TRARG1: variants seen among roughly 807,000 people sequenced by gnomAD.
TRARG1 encodes the protein trafficking regulator of GLUT4 1.
Under a neutral mutation model 13.3 loss-of-function variants are expected in TRARG1, and 16 were observed. That is an observed-to-expected ratio of 1.20 (90% CI 0.81 to 1.83). The LOEUF is 1.83. Ranked by LOEUF, TRARG1 falls within the 40% of genes most tolerant of loss-of-function variation. The pLI, the probability that TRARG1 is intolerant of heterozygous loss-of-function variation, is 0.00. For synonymous variants in TRARG1, 113 were observed against 106.2 expected (o/e 1.06, Z -0.39); for missense variants, 250 against 237.4 (o/e 1.05, Z -0.35).
chr17:1,282,246 G>T (rs778558992), intron 1 of TRARG1, among the ~76,000 whole-genome samples: 3 of 93,988 alleles, frequency 3.2e-5, no homozygotes, highest in Non-Finnish European at 6.9e-5. Context: ...GTATATGCAC[G>T]TATATGTACG....
At chr17:1,284,223 C>T (rs2072005001) in intron 1 of TRARG1, among the ~76,000 whole-genome samples, 1 of 152,168 alleles carries the variant, frequency 6.6e-6, no homozygotes, top group Non-Finnish European at 1.5e-5. Context: ...CCACTCATCT[C>T]CTTTCTGTTT....
Position 1,298,339 on chromosome 17 carries a change from GC to G in TRARG1, c.*77del. 1 of 1,544,980 alleles carries G rather than the reference GC, an allele frequency of 6.5e-7. No homozygotes were observed. Among genetic ancestry groups the G allele is most frequent in the Non-Finnish European group, 8.8e-7 (1 of 1,130,056 alleles). On this transcript the variant is annotated 3_prime_UTR_variant, in exon 3 of 3. Coordinates refer to ENST00000333813, the MANE Select transcript of TRARG1 (RefSeq NM_172367.3). Reference sequence around the variant, plus strand: ...AGCTCTGACCTGCACACCGCGGGAGGCCAGGGTGCTGACTGTCAAGCATCCC... The same window carrying G: ...AGCTCTGACCTGCACACCGCGGGAGGCAGGGTGCTGACTGTCAAGCATCCC...
At chr17:1,282,062 G>GTATGCACATA (rs1555630771) in intron 1 of TRARG1, among the ~76,000 whole-genome samples, 1 of 145,378 alleles carries the variant, frequency 6.9e-6, no homozygotes, top group South Asian at 2.1e-4. Flanking sequence ...ATATGTACAT[G>GTATGCACATA]TATACACATA....
intron 1 of TRARG1, among the ~76,000 whole-genome samples, chr17:1,289,353 C>T (rs183315642): frequency 8.8e-3 from 51 of 5,772 alleles, no homozygotes; most frequent in East Asian, 0.027. Context: ...CACGAGTTCC[C>T]CATCCCCCAC....
At chr17:1,286,247 G>T (rs1228332772) in intron 1 of TRARG1, among the ~76,000 whole-genome samples, 1 of 152,250 alleles carries the variant, frequency 6.6e-6, no homozygotes, top group African/African-American at 2.4e-5. Context: ...AGAACTAGGG[G>T]CCTGGTGGCA....
intron 1 of TRARG1, among the ~76,000 whole-genome samples, chr17:1,281,953 TACATGTACATATATGCACAC>T (rs1001026571): frequency 2.0e-4 from 30 of 151,768 alleles, no homozygotes; most frequent in Middle Eastern, 6.8e-3. Flanking sequence ...TATATGCACA[TACATGTACATATATGCACAC>T]GTGTACATAT....
intron 1 of TRARG1, among the ~76,000 whole-genome samples, chr17:1,281,105 G>A (rs901620111): frequency 6.6e-6 from 1 of 152,214 alleles, no homozygotes. Flanking sequence ...AAGGGGCATG[G>A]GGCCGGGTCT....
chr17:1,279,686 C>A lies in TRARG1; in HGVS notation c.-316C>A. 2.9e-6 allele frequency: 1 copy of A among 349,732 alleles called. No individual in the cohort carries two copies. Among genetic ancestry groups the A allele is most frequent in the Non-Finnish European group, 5.2e-6 (1 of 191,326 alleles). The allele number at this position is 349,732 out of a possible 1,614,324, so 21.7% of individuals were successfully genotyped here. A position where few individuals can be genotyped will look rare whatever the true frequency, so the allele number is the denominator to read the frequency against. ...CGCATTCTTCTCTCTGCTCTCTGAGCTTTCCGTTGCTTCCCTGCCCATCTG... is the reference window on the plus strand; with the variant it reads ...CGCATTCTTCTCTCTGCTCTCTGAGATTTCCGTTGCTTCCCTGCCCATCTG... On this transcript the variant is annotated 5_prime_UTR_variant, in exon 1 of 3. Coordinates refer to ENST00000333813, the MANE Select transcript of TRARG1 (RefSeq NM_172367.3).
At chr17:1,296,265 C>T (rs1272609045) in intron 2 of TRARG1, among the ~76,000 whole-genome samples, 4 of 152,226 alleles carry the variant, frequency 2.6e-5, no homozygotes, top group Admixed American at 6.5e-5. Context: ...GGTGCGATCT[C>T]GGCTCACTGC....
In TRARG1 at chr17:1,280,353, C is replaced by A. The variant is rs1387847729; in HGVS notation, c.352C>A (p.Pro118Thr). ...CGTCGCCTGCTTCTGCCCCGTCTGG[C>A]CCCTCAACCTCATCCCCCTCATCAT... is the stretch of plus-strand genomic sequence containing the variant. ...AVVACFCPVW[P>T]LNLIPLIISI... Residue 118 changes from proline to threonine, a missense_variant, in exon 1 of 3, where the codon CCC (proline) becomes ACC (threonine). By Grantham distance (38) the Pro-to-Thr change is conservative. Coordinates refer to ENST00000333813, the MANE Select transcript of TRARG1 (RefSeq NM_172367.3). The A allele has an allele frequency of 6.2e-7, 1 of 1,609,930 alleles. No homozygotes were observed. The highest frequency in any genetic ancestry group is 8.5e-7 in the Non-Finnish European group (1 of 1,178,108).
chr17:1,282,243 C>CGTATATGTACGTATATGT (rs1567928237), intron 1 of TRARG1, among the ~76,000 whole-genome samples: 29 of 93,276 alleles, frequency 3.1e-4, no homozygotes, highest in East Asian at 1.3e-3. Flanking sequence ...TACGTATATG[C>CGTATATGTACGTATATGT]ACGTATATGT....
Position 1,298,679 on chromosome 17 carries a change from G to C in TRARG1, c.*415G>C, listed in dbSNP as rs538254309. 2 of 205,466 alleles carry C rather than the reference G, an allele frequency of 9.7e-6. No individual in the cohort carries two copies. The highest frequency in any genetic ancestry group is 2.2e-4 in the East Asian group (2 of 8,914). The allele number at this position is 205,466 out of a possible 1,614,324, so 12.7% of individuals were successfully genotyped here. A position where few individuals can be genotyped will look rare whatever the true frequency, so the allele number is the denominator to read the frequency against. Reference sequence around the variant, plus strand: ...AGAGCTCCTTCCTGTCTGTGGACTCGGAGCAAAGACGTGGGGCCCCATCTT... The same window carrying C: ...AGAGCTCCTTCCTGTCTGTGGACTCCGAGCAAAGACGTGGGGCCCCATCTT... On this transcript the variant is annotated 3_prime_UTR_variant, in exon 3 of 3. Coordinates refer to ENST00000333813, the MANE Select transcript of TRARG1 (RefSeq NM_172367.3).
intron 1 of TRARG1, among the ~76,000 whole-genome samples, chr17:1,289,612 C>G (rs1418068633): frequency 6.6e-6 from 1 of 151,202 alleles, no homozygotes; most frequent in East Asian, 2.0e-4. Flanking sequence ...GCCCCTCCCA[C>G]CCTCTCCCAC....
chr17:1,280,074 G>T lies in TRARG1; in HGVS notation c.73G>T (p.Glu25Ter). The change falls in exon 1 of 3, where the codon GAG (glutamate) becomes TAG (stop). Residue 25 changes from glutamate to a stop codon, truncating the protein, a stop_gained. Coordinates refer to ENST00000333813, the MANE Select transcript of TRARG1 (RefSeq NM_172367.3). LOFTEE classifies it high-confidence loss of function. ...CTCCGCCGCATTCCTGGACCTGCCG[G>T]AGATGGAGATACTCCTCACCAAGGC... is the stretch of plus-strand genomic sequence containing the variant. Reference protein sequence around the residue: ...PGSAAFLDLPEMEILLTKAEN... With the variant: ...PGSAAFLDLP 3 of 1,613,548 alleles carry T rather than the reference G, an allele frequency of 1.9e-6. No homozygotes were observed. The highest frequency in any genetic ancestry group is 2.5e-6 in the Non-Finnish European group (3 of 1,180,028).
intron 1 of TRARG1, among the ~76,000 whole-genome samples, chr17:1,294,691 C>CTTT (rs35974763): frequency 2.3e-5 from 3 of 130,358 alleles, no homozygotes; most frequent in Non-Finnish European, 4.8e-5. Flanking sequence ...GTCTCAAACT[C>CTTT]TTTTTTTTTT....
chr17:1,293,271 A>G (rs11651413), intron 1 of TRARG1, among the ~76,000 whole-genome samples: 61,909 of 137,528 alleles, frequency 0.45, 14,669 homozygotes, highest in African/African-American at 0.59. Flanking sequence ...GCGACAGAGC[A>G]AGACTCTGTC....
intron 2 of TRARG1, 73 bp from the exon 3 acceptor site, chr17:1,298,178 A>C: frequency 6.3e-7 from 1 of 1,599,754 alleles, no homozygotes; most frequent in South Asian, 1.1e-5. Flanking sequence ...AGAAACCCAA[A>C]TCCTCCAGTC....
At position 1,300,785 on chromosome 17, in the gene TRARG1, G is replaced by A. The variant is rs1470179208; in HGVS notation, c.*2521G>A. ...CGCCGCCTGGAGGCCAGAGGGGTCA[G>A]TGGCCCTGCTGTCCCGGCTCCATCT... On this transcript the variant is annotated 3_prime_UTR_variant, in exon 3 of 3. Transcript: ENST00000333813. 6.6e-6 allele frequency: 1 copy of A among 152,330 alleles called. No homozygotes were observed. The highest frequency in any genetic ancestry group is 2.4e-5 in the African/African-American group (1 of 41,460). The allele number at this position is 152,330 out of a possible 1,614,324, so 9.4% of individuals were successfully genotyped here.
intron 1 of TRARG1, among the ~76,000 whole-genome samples, chr17:1,281,525 A>G (rs2071972343): frequency 6.6e-6 from 1 of 152,132 alleles, no homozygotes; most frequent in African/African-American, 2.4e-5. Context: ...ATCCCACCAA[A>G]GCCAGTACTA....
Sources: allele counts gnomAD v4.1 joint callset (sites outside exome capture counted in the v4.1 genomes callset), GRCh38; gene constraint gnomAD v4.1.1; transcripts MANE v1.5; gene names NCBI Gene and HGNC (gene_info 2026-07-23, HGNC 2026-07-21).